Variants in MINDY3 observed in about 807,000 individuals in gnomAD.
The protein encoded by MINDY3 is MINDY lysine 48 deubiquitinase 3, also known as ubiquitin carboxyl-terminal hydrolase MINDY-3.
MINDY3 carries 38 observed loss-of-function variants against 69.2 expected under a neutral mutation model. The observed-to-expected ratio is 0.55, with a 90% confidence interval of 0.42 to 0.72. The LOEUF (loss-of-function observed/expected upper bound fraction) is 0.72, where lower values mean the gene tolerates loss of function less well. Ranked by LOEUF, MINDY3 falls within the 30% of genes least tolerant of loss-of-function variation. The pLI is 0.00. For missense variants in MINDY3, 522 were observed against 519.0 expected, an observed-to-expected ratio of 1.01 and a Z score of -0.06; for synonymous variants, 192 against 180.1, an observed-to-expected ratio of 1.07 and a Z score of -0.53.
At chr10:15,821,222 G>C (rs539377591) in intron 9 of MINDY3, among the ~76,000 whole-genome samples, 1 of 152,258 alleles carries the variant, frequency 6.6e-6, no homozygotes, top group East Asian at 1.9e-4. Flanking sequence ...TTTTCAGATG[G>C]AATAGATAAA....
At chr10:15,792,927 T>C (rs1837530148) in intron 11 of MINDY3, among the ~76,000 whole-genome samples, 2 of 152,096 alleles carry the variant, frequency 1.3e-5, no homozygotes, top group African/African-American at 4.8e-5. Context: ...GGTTAATGTA[T>C]TGAGTGCTGA....
At chr10:15,825,440 C>A (rs1003779239) in intron 8 of MINDY3, among the ~76,000 whole-genome samples, 5 of 152,166 alleles carry the variant, frequency 3.3e-5, no homozygotes, top group African/African-American at 1.2e-4. Flanking sequence ...AAACTCCTGG[C>A]CTTAAGTGAT....
chr10:15,845,738 C>A (rs1833787552), intron 2 of MINDY3, among the ~76,000 whole-genome samples: 1 of 150,576 alleles, frequency 6.6e-6, no homozygotes, highest in African/African-American at 2.4e-5. Context: ...AACTCCTGGC[C>A]TTAGGCAATC....
chr10:15,807,709 T>C (rs145213574), intron 10 of MINDY3, among the ~76,000 whole-genome samples: 2,044 of 152,208 alleles, frequency 0.013, 47 homozygotes, highest in African/African-American at 0.044. Context: ...TTGGATACTA[T>C]TGTAAGAGAA....
chr10:15,850,411 G>A (rs1834198259), intron 1 of MINDY3, among the ~76,000 whole-genome samples: 1 of 152,170 alleles, frequency 6.6e-6, no homozygotes, highest in African/African-American at 2.4e-5. Flanking sequence ...TTCTCTTCTT[G>A]CAAAAGCAAA....
At chr10:15,835,444 G>C (rs1171694973) in intron 6 of MINDY3, among the ~76,000 whole-genome samples, 1 of 152,082 alleles carries the variant, frequency 6.6e-6, no homozygotes, top group East Asian at 1.9e-4. Context: ...CCCGCAGGGG[G>C]AAACAAAGAA....
intron 10 of MINDY3, among the ~76,000 whole-genome samples, chr10:15,811,017 A>G (rs1258600049): frequency 6.6e-6 from 1 of 152,180 alleles, no homozygotes; most frequent in Non-Finnish European, 1.5e-5. Context: ...GATGATTATA[A>G]TAATAATTTT....
At chr10:15,784,923 TAGGATGGGAAC>T (rs1836841539) in intron 13 of MINDY3, among the ~76,000 whole-genome samples, 1 of 152,056 alleles carries the variant, frequency 6.6e-6, no homozygotes, top group South Asian at 2.1e-4. Flanking sequence ...TGAGCTGCTA[TAGGATGGGAAC>T]AGATGGGAAT....
At chr10:15,789,007 CTT>C in intron 12 of MINDY3, 1 of 353,476 alleles carries the variant, frequency 2.8e-6, no homozygotes, top group East Asian at 4.6e-5. Flanking sequence ...TAGAAAGACA[CTT>C]TTAGCATTTT....
At chr10:15,780,471 G>A (rs900691467) in intron 14 of MINDY3, among the ~76,000 whole-genome samples, 5 of 152,096 alleles carry the variant, frequency 3.3e-5, no homozygotes, top group African/African-American at 7.2e-5. Context: ...AATACAATCG[G>A]CCCTATTTTT....
chr10:15,812,130 TG>T (rs895395434), intron 10 of MINDY3, among the ~76,000 whole-genome samples: 1 of 151,906 alleles, frequency 6.6e-6, no homozygotes, highest in African/African-American at 2.4e-5. Flanking sequence ...TTAGTAGAGA[TG>T]GGTTTTGCCA....
chr10:15,783,101 A>G (rs1341642237), intron 13 of MINDY3, among the ~76,000 whole-genome samples: 1 of 152,182 alleles, frequency 6.6e-6, no homozygotes, highest in Non-Finnish European at 1.5e-5. Flanking sequence ...AGCTGCTGGC[A>G]ACTGGAGCTT....
chr10:15,833,547 A>G, intron 8 of MINDY3, 83 bp downstream of exon 8: 4 of 918,290 alleles, frequency 4.4e-6, no homozygotes, highest in Non-Finnish European at 7.0e-6. Flanking sequence ...ATGTAGAGCC[A>G]TTAAATAGAC....
intron 3 of MINDY3, 88 bp downstream of exon 3, chr10:15,843,124 C>G: frequency 9.4e-7 from 1 of 1,064,662 alleles, no homozygotes; most frequent in East Asian, 2.4e-5. Flanking sequence ...AAAAAATTCC[C>G]ACTGATACTT....
intron 9 of MINDY3, 31 bp downstream of exon 9, chr10:15,821,625 A>G (rs1290849837): frequency 6.4e-7 from 1 of 1,551,156 alleles, no homozygotes; most frequent in Non-Finnish European, 8.8e-7. Flanking sequence ...CTAAACAAAA[A>G]ACATTCAAAG....
chr10:15,821,795 C>G, intron 8 of MINDY3, 69 bp from the exon 9 acceptor site: 2 of 1,237,898 alleles, frequency 1.6e-6, no homozygotes, highest in Non-Finnish European at 2.3e-6. Context: ...AAATTTGAAA[C>G]GTACTTATAT....
intron 10 of MINDY3, among the ~76,000 whole-genome samples, chr10:15,806,438 C>T (rs1018483849): frequency 6.6e-6 from 1 of 152,058 alleles, no homozygotes; most frequent in Non-Finnish European, 1.5e-5. Flanking sequence ...AGTGAGGGCC[C>T]CCAACCAATC....
chr10:15,790,737 A>T (rs1044333235), intron 11 of MINDY3, among the ~76,000 whole-genome samples: 1 of 152,122 alleles, frequency 6.6e-6, no homozygotes, highest in Non-Finnish European at 1.5e-5. Context: ...AATATTTGCA[A>T]ATATATAATG....
At chr10:15,811,694 T>C (rs1839011349) in intron 10 of MINDY3, among the ~76,000 whole-genome samples, 1 of 152,140 alleles carries the variant, frequency 6.6e-6, no homozygotes, top group Non-Finnish European at 1.5e-5. Context: ...ACATTACTCA[T>C]AATTTTTGCC....
Sources: gnomAD v4.1 joint callset for allele counts (sites outside exome capture counted in the v4.1 genomes callset) on GRCh38, gnomAD v4.1.1 for gene constraint, MANE v1.5 for transcripts, NCBI Gene and HGNC (gene_info 2026-07-23, HGNC 2026-07-21) for gene names.